ZNF521: variants seen among roughly 807,000 people sequenced by gnomAD.
ZNF521 encodes zinc finger protein 521.
Under a neutral mutation model 105.5 loss-of-function variants are expected in ZNF521, and 14 were observed. That is an observed-to-expected ratio of 0.13 (90% confidence interval 0.09 to 0.21). The LOEUF (loss-of-function observed/expected upper bound fraction) is 0.21, where lower values mean the gene tolerates loss of function less well. Ranked by LOEUF, ZNF521 falls within the 10% of genes least tolerant of loss-of-function variation. ZNF521 has a pLI of 1.00. For missense variants in ZNF521, 1,233 were observed against 1,629.7 expected, an observed-to-expected ratio of 0.76 and a Z score of 4.19; for synonymous variants, 635 against 606.0, an observed-to-expected ratio of 1.05 and a Z score of -0.70.
chr18:25,062,289 G>A lies in ZNF521; in HGVS notation c.*423C>T, dbSNP rs1248201386. 5 of 227,786 alleles carry A rather than the reference G, an allele frequency of 2.2e-5. No homozygotes were observed. Among genetic ancestry groups the A allele is most frequent in the South Asian group, 1.6e-4 (1 of 6,378 alleles). The allele number at this position is 227,786 out of a possible 1,614,324, so 14.1% of individuals were successfully genotyped here. ...ATAAAAAATAGTCTTGGATTTAAGC[G>A]CTGATATACCTAAAGAGAAATTCTA... On this transcript the variant is annotated 3_prime_UTR_variant, in exon 8 of 8. Coordinates refer to ENST00000361524, the MANE Select transcript of ZNF521 (RefSeq NM_015461.3).
intron 4 of ZNF521, among the ~76,000 whole-genome samples, chr18:25,207,893 T>A (rs1456791991): frequency 1.3e-5 from 2 of 152,138 alleles, no homozygotes; most frequent in Non-Finnish European, 2.9e-5. Flanking sequence ...AGTCTAAGAA[T>A]ATAATCTGGA....
chr18:25,345,312 A>C (rs1914413267), intron 2 of ZNF521: 2 of 152,236 alleles, frequency 1.3e-5, no homozygotes. Context: ...GTCAGTAAGG[A>C]TAACTACAGT....
intron 4 of ZNF521, among the ~76,000 whole-genome samples, chr18:25,211,601 T>C (rs1236424944): frequency 6.6e-6 from 1 of 152,214 alleles, no homozygotes; most frequent in African/African-American, 2.4e-5. Flanking sequence ...TTCCATCAGT[T>C]TCTAGCTGTT....
intron 3 of ZNF521, among the ~76,000 whole-genome samples, chr18:25,237,446 A>C (rs1292064920): frequency 6.6e-6 from 1 of 152,134 alleles, no homozygotes; most frequent in African/African-American, 2.4e-5. Flanking sequence ...GTGTCTATAT[A>C]TAAATAACAC....
rs149967982 is a variant in ZNF521, at chr18:25,299,990, G to A, written c.220+22018C>T. ...TTCCCATCCTCTCAAATCTGAGCTGGATTGGGAACTTACTTTAACCAACAG... is the reference window on the plus strand; with the variant it reads ...TTCCCATCCTCTCAAATCTGAGCTGAATTGGGAACTTACTTTAACCAACAG... On this transcript the variant is annotated intron_variant, in intron 3 of 7. Coordinates refer to ENST00000361524, the MANE Select transcript of ZNF521 (RefSeq NM_015461.3). Among the ~76,000 whole-genome samples, 14 of 152,300 alleles carry A rather than the reference G, an allele frequency of 9.2e-5. 1 individual carries two copies. The highest frequency in any genetic ancestry group is 6.8e-3 in the Middle Eastern group (2 of 294).
intron 5 of ZNF521, among the ~76,000 whole-genome samples, chr18:25,180,476 A>C (rs1240347649): frequency 6.6e-6 from 1 of 151,462 alleles, no homozygotes; most frequent in Non-Finnish European, 1.5e-5. Context: ...TGAAAATACA[A>C]TTTGCTCCTT....
In ZNF521 at chr18:25,227,700, G is replaced by A. The variant is rs527576138; in HGVS notation, c.221-3C>T. 5.6e-6 allele frequency: 9 copies of A among 1,602,556 alleles called. No individual in the cohort carries two copies. The African/African-American group carries it at 1.2e-4, about 21-fold the overall frequency. ...ATCATCTTCAACATCCACTCCATCT[G>A]CAACAAGAAGCAATGACAAATTTCA... On this transcript the variant is annotated splice_region_variant and splice_polypyrimidine_tract_variant and intron_variant, in intron 3 of 7. Transcript: ENST00000361524. The surrounding 1 kb of genome is among the most constrained non-coding windows in gnomAD (Gnocchi z 5.7).
intron 3 of ZNF521, among the ~76,000 whole-genome samples, chr18:25,275,398 G>A (rs917393700): frequency 5.3e-5 from 8 of 152,148 alleles, no homozygotes; most frequent in African/African-American, 1.4e-4. Context: ...TAGTTAAGAT[G>A]AATGCAAACT....
intron 5 of ZNF521, among the ~76,000 whole-genome samples, chr18:25,149,306 G>A (rs2035003113): frequency 6.6e-6 from 1 of 152,160 alleles, no homozygotes; most frequent in Admixed American, 6.5e-5. Flanking sequence ...CGTGTGTTAT[G>A]GGTAGAGAAT....
chr18:25,121,143 G>C (rs532965947), intron 5 of ZNF521, among the ~76,000 whole-genome samples: 2 of 119,574 alleles, frequency 1.7e-5, no homozygotes, highest in African/African-American at 6.4e-5. Context: ...ACAGAGTCTC[G>C]CTCTGTCTCC....
chr18:25,270,673 A>G (rs1209004350), intron 3 of ZNF521, among the ~76,000 whole-genome samples: 1 of 152,158 alleles, frequency 6.6e-6, no homozygotes, highest in African/African-American at 2.4e-5. Context: ...CAATGACAAA[A>G]ACCACATGAT....
intron 5 of ZNF521, among the ~76,000 whole-genome samples, chr18:25,116,923 GTA>G (rs35050905): frequency 1.1e-4 from 15 of 133,734 alleles, no homozygotes; most frequent in African/African-American, 2.2e-4. Context: ...GTATATCTAT[GTA>G]TATATATACG....
chr18:25,348,042 A>G (rs1914538358), intron 2 of ZNF521, among the ~76,000 whole-genome samples: 1 of 152,222 alleles, frequency 6.6e-6, no homozygotes, highest in African/African-American at 2.4e-5. Flanking sequence ...ACTGTCACTC[A>G]TCTAATAAAA....
chr18:25,267,754 C>T (rs1909370795), intron 3 of ZNF521, among the ~76,000 whole-genome samples: 1 of 152,094 alleles, frequency 6.6e-6, no homozygotes, highest in Non-Finnish European at 1.5e-5. Context: ...ACAGGATGTC[C>T]ACTCAGAGAC....
intron 3 of ZNF521, among the ~76,000 whole-genome samples, chr18:25,241,801 G>C (rs1458229601): frequency 6.6e-6 from 1 of 152,156 alleles, no homozygotes; most frequent in Non-Finnish European, 1.5e-5. Context: ...ACCATTATTT[G>C]TAAGTATTCA....
At position 25,226,086 on chromosome 18, in the gene ZNF521, G is replaced by A. The variant is rs771189765; in HGVS notation, c.1832C>T (p.Ala611Val). The change falls in exon 4 of 8, where the codon GCC (alanine) becomes GTC (valine). Residue 611 changes from alanine to valine, a missense_variant. Ala to Val is a moderately conservative substitution (Grantham distance 64). Around this residue, in one of 6 missense-constraint regions of ZNF521, gnomAD observed 614 missense variants for 751.5 expected, o/e 0.82. Coordinates refer to ENST00000361524, the MANE Select transcript of ZNF521 (RefSeq NM_015461.3). The surrounding 1 kb of genome is among the most constrained non-coding windows in gnomAD (Gnocchi z 4.1). ...SRALSPLSPV[A>V]IEQTSLKMMQ... is the part of the protein sequence containing the mutation. ...CATCTTAAGAGATGTCTGCTCTATG[G>A]CCACAGGAGATAGGGGGCTTAAGGC... 1 of 1,614,172 alleles carries A rather than the reference G, an allele frequency of 6.2e-7. No homozygotes were observed. The highest frequency in any genetic ancestry group is 1.3e-5 in the African/African-American group (1 of 75,062).
At chr18:25,206,394 A>T (rs1208038889) in intron 4 of ZNF521, among the ~76,000 whole-genome samples, 1 of 152,150 alleles carries the variant, frequency 6.6e-6, no homozygotes, top group East Asian at 1.9e-4. Flanking sequence ...TCACTGTGCA[A>T]TAAAAATCTT....
At chr18:25,338,650 G>C (rs901175297) in intron 2 of ZNF521, among the ~76,000 whole-genome samples, 1 of 152,084 alleles carries the variant, frequency 6.6e-6, no homozygotes, top group Non-Finnish European at 1.5e-5. Context: ...GAGCTCAGGC[G>C]ATCCCCCCGC....
intron 3 of ZNF521, among the ~76,000 whole-genome samples, chr18:25,283,554 T>C (rs1428758718): frequency 6.6e-6 from 1 of 152,228 alleles, no homozygotes; most frequent in African/African-American, 2.4e-5. Context: ...AGTTTATGTG[T>C]CTGCATTAAG....
Sources: gnomAD v4.1 joint callset for allele counts (sites outside exome capture counted in the v4.1 genomes callset) on GRCh38, gnomAD v4.1.1 for gene constraint, gnomAD v4.1.1 regional missense constraint, Gnocchi (gnomAD v3.1) non-coding constraint, MANE v1.5 for transcripts, NCBI Gene and HGNC (gene_info 2026-07-23, HGNC 2026-07-21) for gene names.